The following MAGEC3 variants were observed in gnomAD, a reference collection of about 807,000 sequenced individuals.
The protein encoded by MAGEC3 is MAGE family member C3, also known as melanoma-associated antigen C3.
MAGEC3 carries 34 observed loss-of-function variants against 35.3 expected under a neutral mutation model. The ratio of observed to expected loss-of-function variants is 0.96; its 90% CI spans 0.73 to 1.28. The LOEUF (loss-of-function observed/expected upper bound fraction) is 1.28, where lower values mean the gene tolerates loss of function less well. Ranked by LOEUF, MAGEC3 falls within the 50% of genes most tolerant of loss-of-function variation. The probability of loss-of-function intolerance (pLI) is 0.00; values close to 1 mark genes in which losing one functional copy is unlikely to be tolerated. For synonymous variants in MAGEC3, 202 were observed against 185.6 expected (o/e 1.09, Z -0.72); for missense variants, 561 against 483.6 (o/e 1.16, Z -1.50).
At chrX:141,879,511 TGGAAAGGGTCGGGGAGGTAGGC>T (rs2017945827) in intron 3 of MAGEC3, 80 bp downstream of exon 3, 41 of 994,569 alleles carry the variant, frequency 4.1e-5, no homozygotes, top group Middle Eastern at 3.4e-4. Flanking sequence ...CAGGAAGGGG[TGGAAAGGGTCGGGGAGGTAGGC>T]AGGAAGGGGT....
At chrX:141,896,717 C>T (rs2018099393) in intron 6 of MAGEC3, 165 bp from the exon 7 acceptor site, 3 of 1,211,837 alleles carry the variant, frequency 2.5e-6, no homozygotes, top group Non-Finnish European at 2.2e-6. Flanking sequence ...CCGAGTGTGA[C>T]AGAGGACTTG....
chrX:141,875,791 A>G (rs2017916588), intron 2 of MAGEC3, among the ~76,000 whole-genome samples: 1 of 112,071 alleles, frequency 8.9e-6, no homozygotes, highest in African/African-American at 3.2e-5. Flanking sequence ...CAGAGCTGGA[A>G]TTTACCCACC....
chrX:141,883,931 A>C (rs142790324), intron 4 of MAGEC3, among the ~76,000 whole-genome samples: 277 of 113,438 alleles, frequency 2.4e-3, no homozygotes, highest in African/African-American at 8.0e-3. Context: ...GCCCCACAGG[A>C]AAATCTTGGT....
chrX:141,895,002 T>G (rs2018074695), intron 4 of MAGEC3, among the ~76,000 whole-genome samples: 1 of 82,920 alleles, frequency 1.2e-5, no homozygotes. Context: ...GTGGTGGGAA[T>G]ATGGGCAATA....
At chrX:141,848,629 A>T (rs1212847513) in intron 1 of MAGEC3, among the ~76,000 whole-genome samples, 1 of 111,301 alleles carries the variant, frequency 9.0e-6, no homozygotes, top group Non-Finnish European at 1.9e-5. Context: ...AATCAGTGAC[A>T]ACACAAATAA....
intron 1 of MAGEC3, among the ~76,000 whole-genome samples, chrX:141,843,503 G>C (rs915953211): frequency 1.8e-5 from 2 of 111,526 alleles, no homozygotes; most frequent in African/African-American, 6.5e-5. Flanking sequence ...TTGAGCTGGA[G>C]AGAAAGCTCA....
intron 1 of MAGEC3, chrX:141,839,631 C>T (rs1277554428): frequency 1.3e-6 from 1 of 749,655 alleles, no homozygotes; most frequent in African/African-American, 2.3e-5. Flanking sequence ...TTCATTATAT[C>T]TTCAGTAGAT....
intron 2 of MAGEC3, among the ~76,000 whole-genome samples, chrX:141,867,894 G>A (rs780948005): frequency 1.2e-4 from 13 of 111,965 alleles, no homozygotes; most frequent in South Asian, 7.4e-4. Context: ...AGGCCAAGGC[G>A]GGCGGATCAT....
At chrX:141,882,068 T>C (rs947414501) in intron 4 of MAGEC3, among the ~76,000 whole-genome samples, 1 of 111,788 alleles carries the variant, frequency 8.9e-6, no homozygotes, top group Non-Finnish European at 1.9e-5. Context: ...AGGCCATAAT[T>C]GACACCAAAA....
chrX:141,859,139 A>G (rs373894457), intron 1 of MAGEC3, among the ~76,000 whole-genome samples: 1 of 109,001 alleles, frequency 9.2e-6, no homozygotes, highest in Non-Finnish European at 1.9e-5. Flanking sequence ...TTTTGTACCT[A>G]TGAGACAGAT....
At chrX:141,850,953 C>A (rs1370665197) in intron 1 of MAGEC3, among the ~76,000 whole-genome samples, 2 of 110,353 alleles carry the variant, frequency 1.8e-5, no homozygotes, top group East Asian at 2.9e-4. Context: ...AATGAAAAAG[C>A]CACACACACA....
intron 4 of MAGEC3, among the ~76,000 whole-genome samples, chrX:141,884,189 G>T (rs2017985921): frequency 8.9e-6 from 1 of 112,689 alleles, no homozygotes; most frequent in African/African-American, 3.2e-5. Context: ...GAGTCAGTGG[G>T]CTGGGAAAGG....
intron 1 of MAGEC3, among the ~76,000 whole-genome samples, chrX:141,859,135 A>G (rs751624363): frequency 9.2e-6 from 1 of 109,159 alleles, no homozygotes; most frequent in African/African-American, 3.3e-5. Flanking sequence ...AGCATTTTGT[A>G]CCTATGAGAC....
At chrX:141,842,023 T>C (rs2017688838) in intron 1 of MAGEC3, among the ~76,000 whole-genome samples, 2 of 111,678 alleles carry the variant, frequency 1.8e-5, no homozygotes, top group Non-Finnish European at 3.8e-5. Context: ...GATAATTAGG[T>C]ATTGAGAAAG....
chrX:141,874,442 G>C (rs889161803), intron 2 of MAGEC3, among the ~76,000 whole-genome samples: 1 of 111,282 alleles, frequency 9.0e-6, no homozygotes, highest in Non-Finnish European at 1.9e-5. Context: ...TAAAAGTTTT[G>C]CAAAAAAAAT....
At chrX:141,867,922 A>C (rs867046185) in intron 2 of MAGEC3, among the ~76,000 whole-genome samples, 21 of 111,937 alleles carry the variant, frequency 1.9e-4, no homozygotes, top group African/African-American at 6.5e-4. Flanking sequence ...GGAGATCCAG[A>C]CCATCCTGGC....
At position 141,838,335 on chromosome X, in the gene MAGEC3, G is replaced by C. The variant is rs1290329356; in HGVS notation, c.20G>C (p.Trp7Ser). 1 of 1,210,861 alleles carries C rather than the reference G, an allele frequency of 8.3e-7. No homozygotes were observed. Among genetic ancestry groups the C allele is most frequent in the Admixed American group, 2.2e-5 (1 of 46,095 alleles). ...GTGGCCATGCTGCTGCCCTGCCACTGGGTGTTGGATGCCACCTTCAGTGAT... is the reference window on the plus strand; with the variant it reads ...GTGGCCATGCTGCTGCCCTGCCACTCGGTGTTGGATGCCACCTTCAGTGAT... Reference protein sequence around the residue: MLLPCHWVLDATFSDGS... With the variant: MLLPCHSVLDATFSDGS... Residue 7 changes from tryptophan (W) to serine (S), a missense_variant, in exon 1 of 8, where the codon TGG becomes TCG. Trp to Ser is a radical substitution (Grantham distance 177). Coordinates refer to ENST00000298296, the MANE Select transcript of MAGEC3 (RefSeq NM_138702.1).
At chrX:141,886,703 T>C (rs1276603320) in intron 4 of MAGEC3, among the ~76,000 whole-genome samples, 1 of 110,741 alleles carries the variant, frequency 9.0e-6, no homozygotes, top group Admixed American at 9.6e-5. Flanking sequence ...ATAATTGGCA[T>C]AGACATACTT....
intron 4 of MAGEC3, among the ~76,000 whole-genome samples, chrX:141,888,879 A>T (rs752863968): frequency 3.0e-4 from 34 of 111,834 alleles, no homozygotes; most frequent in Non-Finnish European, 5.8e-4. Flanking sequence ...ATTATATTGG[A>T]CCTCTTCCAT....
Sources: gnomAD v4.1 joint callset for allele counts (sites outside exome capture counted in the v4.1 genomes callset) on GRCh38, gnomAD v4.1.1 for gene constraint, MANE v1.5 for transcripts, NCBI Gene and HGNC (gene_info 2026-07-23, HGNC 2026-07-21) for gene names.